The following CREB5 variants were observed in gnomAD, a reference collection of about 807,000 sequenced individuals.
CREB5 encodes cyclic AMP-responsive element-binding protein 5.
In CREB5, 19 loss-of-function variants were observed where a neutral mutation model predicts 57.1. That is an observed-to-expected ratio of 0.33 (90% CI 0.23 to 0.49). The LOEUF (loss-of-function observed/expected upper bound fraction) is 0.49. Among genes scored for constraint, CREB5 ranks in the 20% least tolerant of loss-of-function variants. The pLI, the probability that CREB5 is intolerant of heterozygous loss-of-function variation, is 0.99. For synonymous variants in CREB5, 238 were observed against 238.3 expected, an observed-to-expected ratio of 1.00 and a Z score of 0.01; for missense variants, 579 against 671.6, an observed-to-expected ratio of 0.86 and a Z score of 1.52.
chr7:28,814,777 G>C (rs1220527440), intron 9 of CREB5, among the ~76,000 whole-genome samples: 1 of 152,192 alleles, frequency 6.6e-6, no homozygotes, highest in Non-Finnish European at 1.5e-5. Context: ...TCTCAAGTGA[G>C]AGTTCCTTTT....
At chr7:28,816,451 T>C (rs542302105) in intron 9 of CREB5, among the ~76,000 whole-genome samples, 1 of 152,228 alleles carries the variant, frequency 6.6e-6, no homozygotes, top group Non-Finnish European at 1.5e-5. Flanking sequence ...GATTAAGTGA[T>C]TTATTCATCA....
At chr7:28,339,998 G>C (rs28847334) in intron 1 of CREB5, among the ~76,000 whole-genome samples, 2,888 of 152,284 alleles carry the variant, frequency 0.019, 52 homozygotes, top group South Asian at 0.053. Context: ...AACTTGTGGT[G>C]AATAATGCCG....
chr7:28,447,846 A>AGAT (rs1161598276), intron 1 of CREB5, among the ~76,000 whole-genome samples: 1 of 152,008 alleles, frequency 6.6e-6, no homozygotes, highest in African/African-American at 2.4e-5. Flanking sequence ...TTACTTAGAG[A>AGAT]GATATTTATT....
At chr7:28,591,143 A>G (rs1355204637) in intron 5 of CREB5, among the ~76,000 whole-genome samples, 1 of 152,168 alleles carries the variant, frequency 6.6e-6, no homozygotes, top group Non-Finnish European at 1.5e-5. Context: ...TTTCCTCACC[A>G]TGTCTCTATC....
chr7:28,441,138 A>G (rs554373937), intron 1 of CREB5, among the ~76,000 whole-genome samples: 11 of 152,306 alleles, frequency 7.2e-5, no homozygotes, highest in African/African-American at 2.6e-4. Context: ...AGCTTGATTT[A>G]AATACCTTCC....
intron 1 of CREB5, among the ~76,000 whole-genome samples, chr7:28,405,259 C>T (rs545073621): frequency 6.6e-6 from 1 of 152,300 alleles, no homozygotes; most frequent in African/African-American, 2.4e-5. Flanking sequence ...TCAGCAGCAT[C>T]CCTTTCCCCA....
chr7:28,561,005 CGTGTGT>C lies in CREB5; in HGVS notation c.292-9354_292-9349del, dbSNP rs1375240061. Among the ~76,000 whole-genome samples, 146 of 26,922 alleles carry C rather than the reference CGTGTGT, an allele frequency of 5.4e-3. 4 individuals carry two copies. Among genetic ancestry groups the C allele is most frequent in the African/African-American group, 0.017 (134 of 7,990 alleles). 17.7% of individuals were successfully genotyped at this position (26,922 alleles called of 152,430 possible). A position where few individuals can be genotyped will look rare whatever the true frequency, so the allele number is the denominator to read the frequency against. On this transcript the variant is annotated intron_variant, in intron 4 of 10. Transcript: ENST00000357727. ...GCGTGCGTGTGTGTGCCTGCGTGTG[CGTGTGT>C]GTGTGCGTGTGTGCGTGTGTGTGTG...
At chr7:28,409,971 C>G (rs1304921444), upstream of CREB5, 2 of 454,728 alleles carry the variant, frequency 4.4e-6, no homozygotes, top group Non-Finnish European at 8.8e-6. The surrounding 1 kb of genome is among the most constrained non-coding windows in gnomAD (Gnocchi z 4.4). Flanking sequence ...AACCTCCCCC[C>G]GCGTCCCCAG....
chr7:28,376,267 AGTACTTT>A (rs2127994937), intron 1 of CREB5, among the ~76,000 whole-genome samples: 1 of 142,234 alleles, frequency 7.0e-6, no homozygotes, highest in Admixed American at 7.4e-5. Context: ...CTTCCAGAGA[AGTACTTT>A]TTTTTTTTTT....
intron 7 of CREB5, among the ~76,000 whole-genome samples, chr7:28,781,051 C>A (rs868350077): frequency 3.9e-5 from 6 of 152,132 alleles, no homozygotes; most frequent in African/African-American, 1.4e-4. Flanking sequence ...TAGTGCATCT[C>A]GAAGCATTTT....
chr7:28,719,313 A>G (rs1054577412), intron 6 of CREB5, among the ~76,000 whole-genome samples: 8 of 152,248 alleles, frequency 5.3e-5, no homozygotes, highest in Middle Eastern at 3.2e-3. Flanking sequence ...ATTTATGCAT[A>G]TCATGTTCTG....
At chr7:28,788,743 C>T (rs759650337) in intron 7 of CREB5, among the ~76,000 whole-genome samples, 1 of 151,734 alleles carries the variant, frequency 6.6e-6, no homozygotes, top group African/African-American at 2.4e-5. Flanking sequence ...CAAGTGTTTG[C>T]CAGTTGGAAG....
intron 5 of CREB5, among the ~76,000 whole-genome samples, chr7:28,715,237 T>C (rs1243718998): frequency 6.6e-6 from 1 of 152,196 alleles, no homozygotes; most frequent in Non-Finnish European, 1.5e-5. Context: ...CATCCAGGTG[T>C]GATGGGGGAA....
intron 1 of CREB5, among the ~76,000 whole-genome samples, chr7:28,350,222 G>T (rs1786160601): frequency 6.6e-6 from 1 of 152,070 alleles, no homozygotes. Flanking sequence ...TTAAAGATAG[G>T]TCATTTTTTA....
chr7:28,546,827 T>C (rs1478858305), intron 4 of CREB5, among the ~76,000 whole-genome samples: 4 of 152,216 alleles, frequency 2.6e-5, no homozygotes, highest in African/African-American at 9.6e-5. Flanking sequence ...CTTGAATAAA[T>C]TGTCCAAGCC....
At chr7:28,697,140 G>A (rs554031744) in intron 5 of CREB5, among the ~76,000 whole-genome samples, 1 of 151,976 alleles carries the variant, frequency 6.6e-6, no homozygotes, top group East Asian at 1.9e-4. Flanking sequence ...ACATTATTTG[G>A]ATATCTGATA....
chr7:28,318,450 T>G (rs1449780620), intron 1 of CREB5, among the ~76,000 whole-genome samples: 1 of 152,252 alleles, frequency 6.6e-6, no homozygotes, highest in African/African-American at 2.4e-5. Context: ...AGTTTCAAAA[T>G]ATGTTTACTG....
At chr7:28,662,875 A>C in intron 5 of CREB5, among the ~76,000 whole-genome samples, 1 of 152,096 alleles carries the variant, frequency 6.6e-6, no homozygotes, top group African/African-American at 2.4e-5. Flanking sequence ...GGCTGGGCGC[A>C]GTGGCTCACA....
At chr7:28,551,430 A>AAC (rs1794637789) in intron 4 of CREB5, among the ~76,000 whole-genome samples, 1 of 152,038 alleles carries the variant, frequency 6.6e-6, no homozygotes, top group South Asian at 2.1e-4. Flanking sequence ...CCTTTCACAA[A>AAC]ACACACCTCC....
Sources: gnomAD v4.1 joint callset for allele counts (sites outside exome capture counted in the v4.1 genomes callset) on GRCh38, gnomAD v4.1.1 for gene constraint, Gnocchi (gnomAD v3.1) non-coding constraint, MANE v1.5 for transcripts, NCBI Gene and HGNC (gene_info 2026-07-23, HGNC 2026-07-21) for gene names.